The following RAD51B variants were observed in gnomAD, a reference collection of about 807,000 sequenced individuals.
RAD51B encodes the protein RAD51 paralog B.
Under a neutral mutation model 42.2 loss-of-function variants are expected in RAD51B, and 38 were observed. That is an observed-to-expected ratio of 0.90 (90% CI 0.70 to 1.18). RAD51B has a LOEUF of 1.18. Ranked by LOEUF, RAD51B falls within the 50% of genes most tolerant of loss-of-function variation. The pLI, the probability that RAD51B is intolerant of heterozygous loss-of-function variation, is 0.00. For missense variants in RAD51B, 373 were observed against 400.7 expected, an observed-to-expected ratio of 0.93 and a Z score of 0.59; for synonymous variants, 154 against 145.2, an observed-to-expected ratio of 1.06 and a Z score of -0.43.
intron 7 of RAD51B, among the ~76,000 whole-genome samples, chr14:68,059,897 GAGTTTTCCTCTTTGTTAC>G (rs2076542048): frequency 6.6e-6 from 1 of 152,126 alleles, no homozygotes; most frequent in African/African-American, 2.4e-5. Context: ...AGTGATTTTA[GAGTTTTCCTCTTTGTTAC>G]AGTTTTTAGA....
intron 4 of RAD51B, among the ~76,000 whole-genome samples, chr14:67,856,479 G>A (rs1292714911): frequency 1.3e-5 from 2 of 152,064 alleles, no homozygotes; most frequent in Non-Finnish European, 1.5e-5. Context: ...AGCAAACGGA[G>A]ACAAGTAGTT....
chr14:68,204,293 A>G (rs1015115924), intron 7 of RAD51B, among the ~76,000 whole-genome samples: 4 of 152,228 alleles, frequency 2.6e-5, no homozygotes, highest in African/African-American at 9.6e-5. Flanking sequence ...CAGGGAATAG[A>G]GAGGCCCAAG....
chr14:67,874,797 A>G (rs2042672779), intron 5 of RAD51B, among the ~76,000 whole-genome samples: 1 of 152,164 alleles, frequency 6.6e-6, no homozygotes, highest in Non-Finnish European at 1.5e-5. Context: ...ATTCTAGTCT[A>G]TGAAAATTTT....
At chr14:67,910,887 C>T (rs1187146389) in intron 7 of RAD51B, among the ~76,000 whole-genome samples, 1 of 151,670 alleles carries the variant, frequency 6.6e-6, no homozygotes, top group East Asian at 1.9e-4. Flanking sequence ...TCTTGGCTCA[C>T]TGCAACCTCC....
At chr14:68,175,749 T>G (rs1177001378) in intron 7 of RAD51B, among the ~76,000 whole-genome samples, 2 of 152,174 alleles carry the variant, frequency 1.3e-5, no homozygotes, top group African/African-American at 4.8e-5. Flanking sequence ...TACAGAGTAC[T>G]GGTAGAAAAT....
intron 7 of RAD51B, among the ~76,000 whole-genome samples, chr14:67,941,075 G>C (rs2045189819): frequency 6.6e-6 from 1 of 152,150 alleles, no homozygotes; most frequent in Admixed American, 6.5e-5. Flanking sequence ...TGTGCTTCTT[G>C]TGGTGTTTAT....
At chr14:68,309,050 A>G (rs543985665) in intron 8 of RAD51B, among the ~76,000 whole-genome samples, 3 of 152,330 alleles carry the variant, frequency 2.0e-5, no homozygotes, top group East Asian at 1.9e-4. Flanking sequence ...TTGATGCAAC[A>G]CTACACTATT....
At chr14:67,927,006 C>G (rs1000323745) in intron 7 of RAD51B, among the ~76,000 whole-genome samples, 16 of 152,236 alleles carry the variant, frequency 1.1e-4, no homozygotes, top group Non-Finnish European at 1.9e-4. Flanking sequence ...TGATATGTTA[C>G]AAAGTATTTT....
At chr14:68,093,183 A>C (rs1260033253) in intron 7 of RAD51B, among the ~76,000 whole-genome samples, 3 of 151,708 alleles carry the variant, frequency 2.0e-5, no homozygotes, top group South Asian at 2.1e-4. Flanking sequence ...TGTCTCTGCT[A>C]GGCTTTGGTA....
chr14:67,924,861 C>T (rs1205244436), intron 7 of RAD51B, among the ~76,000 whole-genome samples: 2 of 152,210 alleles, frequency 1.3e-5, no homozygotes, highest in Non-Finnish European at 2.9e-5. Flanking sequence ...TCAGCATTAA[C>T]TCAAAAGTTC....
chr14:68,604,862 T>C (rs1891381479), intron 10 of RAD51B, among the ~76,000 whole-genome samples: 1 of 143,088 alleles, frequency 7.0e-6, no homozygotes, highest in Non-Finnish European at 1.6e-5. Flanking sequence ...AACTAGCTCC[T>C]GTGTTCTCGT....
At chr14:68,351,489 C>G (rs1318479730) in intron 8 of RAD51B, among the ~76,000 whole-genome samples, 1 of 152,104 alleles carries the variant, frequency 6.6e-6, no homozygotes, top group Non-Finnish European at 1.5e-5. Flanking sequence ...GGAGGAACAA[C>G]CAGGAATCAA....
At chr14:68,566,751 C>T (rs1184837892) in intron 10 of RAD51B, among the ~76,000 whole-genome samples, 1 of 152,122 alleles carries the variant, frequency 6.6e-6, no homozygotes, top group Non-Finnish European at 1.5e-5. Flanking sequence ...CTTCTCAGCC[C>T]TAGAAGCTAC....
chr14:67,945,197 TGTTA>T (rs2045347813), intron 7 of RAD51B, among the ~76,000 whole-genome samples: 1 of 152,114 alleles, frequency 6.6e-6, no homozygotes, highest in Non-Finnish European at 1.5e-5. Flanking sequence ...AGCAAGAAGG[TGTTA>T]GTTAGCAGTG....
downstream of RAD51B, among the ~76,000 whole-genome samples, chr14:68,615,802 T>C (rs1891814011): frequency 6.6e-6 from 1 of 152,190 alleles, no homozygotes; most frequent in South Asian, 2.1e-4. Context: ...ACTTTTAAAC[T>C]ATTTGTGTTT....
intron 7 of RAD51B, among the ~76,000 whole-genome samples, chr14:68,104,902 A>C (rs1409560990): frequency 6.6e-6 from 1 of 152,126 alleles, no homozygotes; most frequent in Non-Finnish European, 1.5e-5. Context: ...TGATTTTACT[A>C]TGCCTGCACA....
At chr14:68,377,324 G>A (rs551064832) in intron 8 of RAD51B, among the ~76,000 whole-genome samples, 1 of 152,260 alleles carries the variant, frequency 6.6e-6, no homozygotes, top group East Asian at 1.9e-4. Context: ...TAATGAATAT[G>A]AGCTGATTAA....
At chr14:68,537,814 T>A (rs1887728893) in intron 10 of RAD51B, among the ~76,000 whole-genome samples, 1 of 152,346 alleles carries the variant, frequency 6.6e-6, no homozygotes, top group Middle Eastern at 3.4e-3. Flanking sequence ...TTTATTAGTT[T>A]AAAATATTTC....
chr14:68,057,669 A>G (rs1386456958), intron 7 of RAD51B, among the ~76,000 whole-genome samples: 1 of 152,132 alleles, frequency 6.6e-6, no homozygotes, highest in Middle Eastern at 3.2e-3. Flanking sequence ...GTCATTTACT[A>G]GAAAAATTGC....
Sources: gnomAD v4.1 joint callset for allele counts (sites outside exome capture counted in the v4.1 genomes callset) on GRCh38, gnomAD v4.1.1 for gene constraint, MANE v1.5 for transcripts, NCBI Gene and HGNC (gene_info 2026-07-23, HGNC 2026-07-21) for gene names.